POLA1: variants seen among roughly 807,000 people sequenced by gnomAD.
The protein encoded by POLA1 is DNA polymerase alpha catalytic subunit.
Under a neutral mutation model 124.0 loss-of-function variants are expected in POLA1, and 15 were observed. The ratio of observed to expected loss-of-function variants is 0.12; its 90% confidence interval spans 0.08 to 0.19. The LOEUF is 0.19. POLA1 is among the 10% of genes least tolerant of loss of function. POLA1 has a pLI of 1.00. For synonymous variants in POLA1, 408 were observed against 389.4 expected (o/e 1.05, Z -0.56); for missense variants, 886 against 1,103.4 (o/e 0.80, Z 2.79).
chrX:24,743,256 A>G lies in POLA1; in HGVS notation c.2493A>G (p.Gly831=). Residue 831 remains glycine (G), a synonymous_variant, in exon 23 of 37, where the codon GGA becomes GGG. Transcript: ENST00000379068. ...KLGDEDEEID[G]DTNKYKKGRK... ...GAGATGAAGATGAAGAAATTGATGGAGATACCAATAAATACAAGAAAGGAC... is the reference window on the plus strand; with the variant it reads ...GAGATGAAGATGAAGAAATTGATGGGGATACCAATAAATACAAGAAAGGAC... 2 of 1,138,777 alleles carry G rather than the reference A, an allele frequency of 1.8e-6. No homozygotes were observed. The highest frequency in any genetic ancestry group is 1.2e-6 in the Non-Finnish European group (1 of 835,406). The allele number at this position is 1,138,777 out of a possible 1,213,427, so 93.8% of individuals were successfully genotyped here. A position where few individuals can be genotyped will look rare whatever the true frequency, so the allele number is the denominator to read the frequency against.
chrX:24,845,626 T>C lies in POLA1; in HGVS notation c.4047+1949T>C, dbSNP rs1291519607. 3.6e-5 allele frequency among the ~76,000 whole-genome samples: 4 copies of C among 111,943 alleles called. No individual in the cohort carries two copies. The East Asian group carries it at 1.1e-3, about 31-fold the overall frequency. On this transcript the variant is annotated intron_variant, in intron 34 of 36. Transcript: ENST00000379068. ...TCTTTTGTTATTGTGCCTTGAGTGA[T>C]ACTGATTACAGTTATTAGTTCAGTG... is the stretch of plus-strand genomic sequence containing the variant.
At chrX:24,776,560 G>A (rs1351583038) in intron 26 of POLA1, among the ~76,000 whole-genome samples, 1 of 112,038 alleles carries the variant, frequency 8.9e-6, no homozygotes, top group Non-Finnish European at 1.9e-5. Context: ...TTTAATATAG[G>A]TTAGGGACAG....
chrX:24,811,958 C>T (rs745486130), intron 28 of POLA1, among the ~76,000 whole-genome samples: 73 of 112,512 alleles, frequency 6.5e-4, no homozygotes, highest in African/African-American at 2.3e-3. Context: ...AAGATGTTGT[C>T]CCCATGAACT....
chrX:24,761,545 G>A (rs912463341), intron 26 of POLA1, among the ~76,000 whole-genome samples: 13 of 111,305 alleles, frequency 1.2e-4, no homozygotes, highest in Admixed American at 9.6e-4. Context: ...AATTGTTCTT[G>A]AGGCCACATG....
At chrX:24,972,250 C>T (rs1395700602) in intron 36 of POLA1, among the ~76,000 whole-genome samples, 2 of 112,253 alleles carry the variant, frequency 1.8e-5, no homozygotes, top group South Asian at 3.6e-4. Context: ...GGATTACAGG[C>T]GTGAGCCACC....
At chrX:24,801,929 GTGTGTGTGTGTGTGTGT>G (rs2045717236) in intron 26 of POLA1, among the ~76,000 whole-genome samples, 17 of 93,576 alleles carry the variant, frequency 1.8e-4, no homozygotes. Context: ...GGGTGGGTGT[GTGTGTGTGTGTGTGTGT>G]GTGTGTGTGT....
chrX:24,744,834 C>T (rs1446155942), intron 23 of POLA1, among the ~76,000 whole-genome samples: 1 of 106,870 alleles, frequency 9.4e-6, no homozygotes, highest in African/African-American at 3.4e-5. Context: ...GCCTGTAGTC[C>T]CAGCTATTCG....
intron 36 of POLA1, among the ~76,000 whole-genome samples, chrX:24,941,214 TTTTA>T (rs1432230014): frequency 2.7e-5 from 3 of 111,792 alleles, no homozygotes; most frequent in Non-Finnish European, 5.7e-5. Context: ...GGTTGGTATT[TTTTA>T]TTTTTATTTT....
chrX:24,717,555 G>T (rs757101164), intron 9 of POLA1, 25 bp from the exon 10 acceptor site: 1 of 1,205,682 alleles, frequency 8.3e-7, no homozygotes, highest in African/African-American at 1.7e-5. Flanking sequence ...ATTTTGAAAG[G>T]TTTTTGAAAA....
intron 15 of POLA1, among the ~76,000 whole-genome samples, chrX:24,731,310 T>C (rs1442827991): frequency 1.8e-5 from 2 of 112,015 alleles, no homozygotes; most frequent in East Asian, 5.6e-4. Flanking sequence ...AAGTAAATTA[T>C]AGGGGAATGA....
chrX:24,694,291 T>C (rs1019690980), intron 1 of POLA1, among the ~76,000 whole-genome samples: 1 of 112,527 alleles, frequency 8.9e-6, no homozygotes, highest in Non-Finnish European at 1.9e-5. Context: ...ACCCACGTGC[T>C]GGGTATAACT....
At chrX:24,872,557 A>G (rs1216635328) in intron 34 of POLA1, among the ~76,000 whole-genome samples, 1 of 111,612 alleles carries the variant, frequency 9.0e-6, no homozygotes, top group East Asian at 2.8e-4. Context: ...TCGCAGGAAA[A>G]TTCTAACAGA....
At chrX:24,728,900 C>T (rs1183198264) in intron 15 of POLA1, among the ~76,000 whole-genome samples, 5 of 112,145 alleles carry the variant, frequency 4.5e-5, no homozygotes, top group Non-Finnish European at 7.5e-5. Flanking sequence ...CTGACCCTGC[C>T]TTATCCTTCA....
intron 34 of POLA1, among the ~76,000 whole-genome samples, chrX:24,855,097 A>T (rs1275385573): frequency 9.0e-6 from 1 of 111,346 alleles, no homozygotes; most frequent in African/African-American, 3.3e-5. Flanking sequence ...TAAAGATACT[A>T]TGTACATATA....
intron 34 of POLA1, among the ~76,000 whole-genome samples, chrX:24,844,219 A>T (rs916565774): frequency 2.7e-5 from 3 of 111,940 alleles, no homozygotes; most frequent in Non-Finnish European, 5.6e-5. Context: ...GAGAATATCT[A>T]ATTTTTATAA....
intron 26 of POLA1, among the ~76,000 whole-genome samples, chrX:24,750,709 C>T (rs1165751652): frequency 8.9e-6 from 1 of 112,214 alleles, no homozygotes; most frequent in Non-Finnish European, 1.9e-5. Flanking sequence ...GAAGTTAAAA[C>T]TCAAGGAGAT....
intron 26 of POLA1, among the ~76,000 whole-genome samples, chrX:24,765,090 C>T (rs767732754): frequency 9.0e-6 from 1 of 110,771 alleles, no homozygotes; most frequent in East Asian, 2.9e-4. Context: ...CTCACCTGCA[C>T]CCCTGCTTTA....
At chrX:24,969,837 C>A (rs2048278834) in intron 36 of POLA1, among the ~76,000 whole-genome samples, 1 of 110,704 alleles carries the variant, frequency 9.0e-6, no homozygotes, top group Admixed American at 9.6e-5. Context: ...GACAGCCCCT[C>A]CCCCCACAAT....
intron 36 of POLA1, among the ~76,000 whole-genome samples, chrX:24,952,468 T>G (rs2147248919): frequency 9.0e-6 from 1 of 111,430 alleles, no homozygotes; most frequent in South Asian, 3.8e-4. Flanking sequence ...AAGGGTAGTG[T>G]CTCGAATACA....
Sources: gnomAD v4.1 joint callset for allele counts (sites outside exome capture counted in the v4.1 genomes callset) on GRCh38, gnomAD v4.1.1 for gene constraint, MANE v1.5 for transcripts, NCBI Gene and HGNC (gene_info 2026-07-23, HGNC 2026-07-21) for gene names.